Variants in FOXP1 observed in about 807,000 individuals in gnomAD.
The protein encoded by FOXP1 is forkhead box protein P1.
A neutral mutation model predicts 98.2 loss-of-function variants in FOXP1; 15 were observed. The ratio of observed to expected loss-of-function variants is 0.15; its 90% confidence interval spans 0.10 to 0.24. The LOEUF (loss-of-function observed/expected upper bound fraction) is 0.24. FOXP1 is among the 10% of genes least tolerant of loss of function. The pLI is 1.00. For synonymous variants in FOXP1, 371 were observed against 314.5 expected (o/e 1.18, Z -1.90); for missense variants, 633 against 848.5 (o/e 0.75, Z 3.15).
chr3:70,961,833 G>C (rs946570554), intron 20 of FOXP1, among the ~76,000 whole-genome samples: 3 of 152,146 alleles, frequency 2.0e-5, no homozygotes, highest in Admixed American at 2.0e-4. Context: ...GGCTAAGGTA[G>C]GATGATCACT....
intron 4 of FOXP1, among the ~76,000 whole-genome samples, chr3:71,348,560 C>CGT (rs2077555869): frequency 6.4e-5 from 9 of 139,720 alleles, no homozygotes; most frequent in South Asian, 2.2e-4. Context: ...CGTGCGCGCG[C>CGT]GCACGCATAT....
chr3:71,027,966 A>G (rs1462202372), intron 11 of FOXP1, among the ~76,000 whole-genome samples: 1 of 152,156 alleles, frequency 6.6e-6, no homozygotes. Context: ...AGACAGTGAT[A>G]ACTGAACAGA....
At position 71,396,732 on chromosome 3, in the gene FOXP1, A is replaced by C. The variant is rs572973889; in HGVS notation, c.-167-37488T>G. ...ATGTTTAAGAAGACAGCAACAGCAG[A>C]GCATTAAACCAAGTGTGGGTCCCTT... On this transcript the variant is annotated intron_variant, in intron 3 of 20. Coordinates refer to ENST00000649528, the MANE Select transcript of FOXP1 (RefSeq NM_001349338.3). Among the ~76,000 whole-genome samples, 873 of 149,162 alleles carry C rather than the reference A, an allele frequency of 5.9e-3. 29 individuals carry two copies. The highest frequency in any genetic ancestry group is 0.021 in the African/African-American group (820 of 39,224).
intron 5 of FOXP1, among the ~76,000 whole-genome samples, chr3:71,256,664 G>A (rs965398373): frequency 5.3e-5 from 8 of 152,114 alleles, no homozygotes; most frequent in African/African-American, 1.2e-4. Flanking sequence ...TTACAGGCGT[G>A]AGCCACCGCG....
intron 11 of FOXP1, among the ~76,000 whole-genome samples, chr3:71,034,519 AT>A (rs1242406298): frequency 6.6e-6 from 1 of 152,214 alleles, no homozygotes; most frequent in East Asian, 1.9e-4. Context: ...TACTATGAGG[AT>A]TAAATAGGAA....
intron 16 of FOXP1, 149 bp downstream of exon 16, chr3:70,977,494 T>C (rs2037809918): frequency 1.5e-6 from 1 of 659,218 alleles, no homozygotes; most frequent in Non-Finnish European, 2.7e-6. Context: ...CAAAAGCAAT[T>C]ATGTTATATA....
intron 6 of FOXP1, among the ~76,000 whole-genome samples, chr3:71,195,853 T>C (rs1207818187): frequency 6.6e-6 from 1 of 152,234 alleles, no homozygotes; most frequent in African/African-American, 2.4e-5. Context: ...AATGCTCACA[T>C]TTCTCCAAAC....
intron 9 of FOXP1, among the ~76,000 whole-genome samples, chr3:71,048,083 A>C (rs568200581): frequency 6.6e-6 from 1 of 152,310 alleles, no homozygotes; most frequent in South Asian, 2.1e-4. Context: ...TGGAGGTCTT[A>C]GCCACATTAT....
intron 3 of FOXP1, among the ~76,000 whole-genome samples, chr3:71,445,527 G>A (rs535629144): frequency 1.9e-3 from 296 of 152,120 alleles, no homozygotes; most frequent in Admixed American, 3.9e-3. Context: ...AAGTCAATTT[G>A]CCCTATATAA....
intron 6 of FOXP1, among the ~76,000 whole-genome samples, chr3:71,142,693 C>T (rs1040697059): frequency 6.6e-6 from 1 of 152,178 alleles, no homozygotes; most frequent in Non-Finnish European, 1.5e-5. Context: ...GATTCTTTCC[C>T]GGAGCCTCTT....
intron 3 of FOXP1, among the ~76,000 whole-genome samples, chr3:71,371,031 C>A (rs1358858180): frequency 6.6e-6 from 1 of 152,084 alleles, no homozygotes; most frequent in Non-Finnish European, 1.5e-5. Flanking sequence ...CCCACTTCAG[C>A]CTCCCTGTAA....
intron 6 of FOXP1, among the ~76,000 whole-genome samples, chr3:71,197,189 A>G (rs1275973409): frequency 6.6e-6 from 1 of 152,176 alleles, no homozygotes; most frequent in African/African-American, 2.4e-5. Context: ...GAGTTCCTGC[A>G]GCTTTCAGAA....
At chr3:71,009,416 C>T (rs1490785690) in intron 12 of FOXP1, among the ~76,000 whole-genome samples, 1 of 152,106 alleles carries the variant, frequency 6.6e-6, no homozygotes, top group African/African-American at 2.4e-5. Context: ...AGTCGAGTTG[C>T]TGTGACAGAC....
rs76829625 is a variant in FOXP1 at position 71,144,045 on chromosome 3, G to GA, written c.181-31409dup. 2.7e-3 allele frequency among the ~76,000 whole-genome samples: 410 copies of GA among 150,870 alleles called. 2 individuals carry two copies. Among genetic ancestry groups the GA allele is most frequent in the African/African-American group, 9.3e-3 (377 of 40,704 alleles). On this transcript the variant is annotated intron_variant, in intron 6 of 20. Transcript: ENST00000649528. ...CATAATTTTACTTTTACATGAATAG[G>GA]AAAAAAAAAAGTATACAAGTCTTAA...
At chr3:71,369,254 G>C (rs1040440272) in intron 3 of FOXP1, among the ~76,000 whole-genome samples, 1 of 152,116 alleles carries the variant, frequency 6.6e-6, no homozygotes, top group African/African-American at 2.4e-5. Flanking sequence ...GCTGGGCGTA[G>C]TGGCGGGTAA....
At chr3:71,216,350 T>C (rs2064925812) in intron 5 of FOXP1, among the ~76,000 whole-genome samples, 1 of 152,374 alleles carries the variant, frequency 6.6e-6, no homozygotes, top group Non-Finnish European at 1.5e-5. Context: ...TTTCCACAAA[T>C]GTGACTTCCT....
chr3:71,139,510 C>T (rs554772956), intron 6 of FOXP1, among the ~76,000 whole-genome samples: 15 of 150,982 alleles, frequency 9.9e-5, no homozygotes, highest in African/African-American at 3.7e-4. Context: ...AAAAAAGAAA[C>T]GTTAATTGAT....
chr3:71,051,353 G>A (rs1389491758), intron 9 of FOXP1, among the ~76,000 whole-genome samples: 2 of 151,996 alleles, frequency 1.3e-5, no homozygotes, highest in Non-Finnish European at 2.9e-5. Flanking sequence ...GTTTACATCC[G>A]GCTGCTCAAC....
chr3:71,276,998 G>C (rs1297281936), intron 5 of FOXP1, among the ~76,000 whole-genome samples: 1 of 136,676 alleles, frequency 7.3e-6, no homozygotes, highest in Non-Finnish European at 1.5e-5. Context: ...TCACTCTGTC[G>C]CCCAGGCTGG....
Sources: gnomAD v4.1 joint callset for allele counts (sites outside exome capture counted in the v4.1 genomes callset) on GRCh38, gnomAD v4.1.1 for gene constraint, MANE v1.5 for transcripts, NCBI Gene and HGNC (gene_info 2026-07-23, HGNC 2026-07-21) for gene names.